FES: variants seen among roughly 807,000 people sequenced by gnomAD.
FES encodes the protein FES proto-oncogene, tyrosine kinase.
FES carries 83 observed loss-of-function variants against 109.6 expected under a neutral mutation model. The observed-to-expected ratio is 0.76, with a 90% CI of 0.63 to 0.91. The LOEUF (loss-of-function observed/expected upper bound fraction) is 0.91, where lower values mean the gene tolerates loss of function less well. Ranked by LOEUF, FES falls within the 40% of genes least tolerant of loss-of-function variation. The probability of loss-of-function intolerance (pLI) is 0.00; values close to 1 mark genes in which losing one functional copy is unlikely to be tolerated. For synonymous variants in FES, 458 were observed against 442.1 expected (o/e 1.04, Z -0.45); for missense variants, 943 against 1,070.9 (o/e 0.88, Z 1.67).
chr15:90,894,925 G>C (rs182855645), intron 18 of FES, among the ~76,000 whole-genome samples: 251 of 152,234 alleles, frequency 1.6e-3, no homozygotes, highest in Non-Finnish European at 2.9e-3. Flanking sequence ...AAATTAGCGA[G>C]GTGTAGTGGT....
intron 15 of FES, 35 bp downstream of exon 15, chr15:90,893,229 G>A (rs774216062): frequency 2.8e-5 from 45 of 1,613,024 alleles, no homozygotes; most frequent in South Asian, 9.9e-5. Flanking sequence ...GGTAGGGCGC[G>A]CAGCCTGGTC....
rs769517026 is a variant in FES, at chr15:90,887,492, A to G, written c.668+122A>G. ...AAGGTGCTGGCCATGTAACCACATGAGAACGGGACCTGGGCCAAGGATTGG... is the reference window on the plus strand; with the variant it reads ...AAGGTGCTGGCCATGTAACCACATGGGAACGGGACCTGGGCCAAGGATTGG... On this transcript the variant is annotated intron_variant, in intron 5 of 18. Coordinates refer to ENST00000328850, the MANE Select transcript of FES (RefSeq NM_002005.4). 293 of 1,053,930 alleles carry G rather than the reference A, an allele frequency of 2.8e-4. 2 individuals are homozygous for G. Among genetic ancestry groups the G allele is most frequent in the Non-Finnish European group, 2.4e-4 (182 of 749,042 alleles). 65.3% of individuals were successfully genotyped at this position (1,053,930 alleles called of 1,614,324 possible).
intron 12 of FES, 68 bp downstream of exon 12, chr15:90,891,744 C>A: frequency 6.3e-7 from 1 of 1,596,726 alleles, no homozygotes; most frequent in Non-Finnish European, 8.5e-7. Flanking sequence ...TCAGGCCCAC[C>A]CAGCGTCTGA....
intron 10 of FES, 136 bp downstream of exon 10, chr15:90,890,620 G>GGGGACA: frequency 1.2e-6 from 1 of 810,624 alleles, no homozygotes; most frequent in Non-Finnish European, 1.9e-6. Flanking sequence ...GGCTGCAGAT[G>GGGGACA]TCCCCAGACC....
At position 90,886,796 on chromosome 15, in the gene FES, T is replaced by C. The variant is rs12904170; in HGVS notation, c.388-165T>C. ...TTTGCCTCCCCAAGGGGTCTGTCTT[T>C]AACAGGCTCTCTGATCTTTGACTCT... On this transcript the variant is annotated intron_variant, in intron 3 of 18. Coordinates refer to ENST00000328850, the MANE Select transcript of FES (RefSeq NM_002005.4). 1.9e-3 allele frequency among the ~76,000 whole-genome samples: 293 copies of C among 152,354 alleles called. 1 individual carries two copies. The highest frequency in any genetic ancestry group is 3.6e-3 in the Non-Finnish European group (243 of 68,030).
At chr15:90,891,891 C>T (rs1429372695) in intron 12 of FES, among the ~76,000 whole-genome samples, 167 bp from the exon 13 acceptor site, 1 of 152,246 alleles carries the variant, frequency 6.6e-6, no homozygotes, top group East Asian at 1.9e-4. Flanking sequence ...TGGTGCTTAC[C>T]TGGTCAGGGC....
Position 90,885,218 on chromosome 15 carries a change from G to C in FES, c.173G>C (p.Gly58Ala). The change falls in exon 2 of 19, where the codon GGC becomes GCC. Residue 58 changes from glycine to alanine, a missense_variant. By Grantham distance (60) the Gly-to-Ala change is moderately conservative (BLOSUM62 0). Coordinates refer to ENST00000328850, the MANE Select transcript of FES (RefSeq NM_002005.4). ...CACATGTCCCTGCAGGACAGTGGGG[G>C]CCAGAGCCGGGCCATCAGCCCTGAC... ...LHHMSLQDSG[G>A]QSRAISPDSP... is the part of the protein sequence containing the mutation. 1 of 1,613,464 alleles carries C rather than the reference G, an allele frequency of 6.2e-7. No individual in the cohort carries two copies. Among genetic ancestry groups the C allele is most frequent in the African/African-American group, 1.3e-5 (1 of 75,064 alleles).
At chr15:90,884,733 G>A (rs2032380944) in intron 1 of FES, 189 bp downstream of exon 1, 2 of 271,274 alleles carry the variant, frequency 7.4e-6, no homozygotes, top group Non-Finnish European at 1.4e-5. Flanking sequence ...GGCTTGGCCT[G>A]TCGAGGACCT....
Position 90,895,589 on chromosome 15 carries a change from T to C in FES, c.*31T>C. 1.3e-6 allele frequency: 2 copies of C among 1,515,228 alleles called. No homozygotes were observed. Among genetic ancestry groups the C allele is most frequent in the African/African-American group, 1.4e-5 (1 of 71,686 alleles). The allele number at this position is 1,515,228 out of a possible 1,614,324, so 93.9% of individuals were successfully genotyped here. On this transcript the variant is annotated 3_prime_UTR_variant, in exon 19 of 19. Coordinates refer to ENST00000328850, the MANE Select transcript of FES (RefSeq NM_002005.4). Reference sequence around the variant, plus strand: ...GGACCCCCTTCTCAAGCTGGTGGCCTCTGCAGGCCTAGGTGCAGCTCCTCA... The same window carrying C: ...GGACCCCCTTCTCAAGCTGGTGGCCCCTGCAGGCCTAGGTGCAGCTCCTCA...
In FES at chr15:90,889,246, A is replaced by C; in HGVS notation, c.669-60A>C. ...CTCCAAACCCAGGGTCCTAGGCCTG[A>C]ACTGCCCAGCCTTGCCCAGCCTGAG... On this transcript the variant is annotated intron_variant, in intron 5 of 18. Transcript: ENST00000328850. The surrounding 1 kb of genome is among the most constrained non-coding windows in gnomAD (Gnocchi z 6.1). 6.3e-7 allele frequency: 1 copy of C among 1,598,894 alleles called. No homozygotes were observed. The highest frequency in any genetic ancestry group is 8.5e-7 in the Non-Finnish European group (1 of 1,173,022).
At position 90,889,097 on chromosome 15, in the gene FES, T is replaced by C. The variant is rs749128022; in HGVS notation, c.669-209T>C. On this transcript the variant is annotated intron_variant, in intron 5 of 18. Coordinates refer to ENST00000328850, the MANE Select transcript of FES (RefSeq NM_002005.4). The surrounding 1 kb of genome is among the most constrained non-coding windows in gnomAD (Gnocchi z 6.1). ...CCACTGTGCCTGGCCCACTGGATCC[T>C]TATTACAACTGCCAGTGTCCCTCTT... 2.8e-4 allele frequency: 176 copies of C among 625,122 alleles called. No homozygotes were observed. The highest frequency in any genetic ancestry group is 4.5e-4 in the Non-Finnish European group (166 of 369,630). 38.7% of individuals were successfully genotyped at this position (625,122 alleles called of 1,614,324 possible).
At chr15:90,892,226 C>A in intron 13 of FES, 115 bp downstream of exon 13, 4 of 1,150,836 alleles carry the variant, frequency 3.5e-6, no homozygotes, top group Non-Finnish European at 5.1e-6. Context: ...CCACTTGTAC[C>A]CCGACTCCCT....
intron 5 of FES, among the ~76,000 whole-genome samples, chr15:90,887,607 G>A (rs1352506707): frequency 2.0e-5 from 3 of 152,232 alleles, no homozygotes; most frequent in Non-Finnish European, 4.4e-5. Flanking sequence ...TCTGGGCTCT[G>A]GATTATACCA....
chr15:90,890,597 C>T (rs2033121308), intron 10 of FES, 113 bp downstream of exon 10: 2 of 957,728 alleles, frequency 2.1e-6, no homozygotes, highest in South Asian at 3.1e-5. Context: ...TTCCTCTCTT[C>T]CCTGGGATTC....
chr15:90,891,700 C>T (rs951297731), intron 12 of FES, 24 bp downstream of exon 12: 12 of 1,612,368 alleles, frequency 7.4e-6, no homozygotes, highest in Non-Finnish European at 1.0e-5. Context: ...CAGCCTGGCC[C>T]ATGCCACCTG....
In FES at chr15:90,895,453, C is replaced by T. The variant is rs755547013; in HGVS notation, c.2364C>T (p.Ala788=). The change falls in exon 19 of 19, where the codon GCC becomes GCT. Residue 788 remains alanine, a synonymous_variant. Transcript: ENST00000328850. ...RLPCPELCPD[A]VFRLMEQCWA... ...CCTGCCCAGAGCTGTGTCCTGATGCCGTGTTCAGGCTCATGGAGCAGTGCT... is the reference window on the plus strand; with the variant it reads ...CCTGCCCAGAGCTGTGTCCTGATGCTGTGTTCAGGCTCATGGAGCAGTGCT... The T allele has an allele frequency of 1.6e-5, 26 of 1,585,368 alleles. No homozygotes were observed. The highest frequency in any genetic ancestry group is 2.7e-5 in the African/African-American group (2 of 73,912).
chr15:90,890,066 A>ACCCACC, intron 8 of FES, 26 bp from the exon 9 acceptor site: 1 of 1,523,434 alleles, frequency 6.6e-7, no homozygotes, highest in Non-Finnish European at 8.8e-7. Context: ...ATTCTCATCC[A>ACCCACC]CCCTCCCACC....
At chr15:90,893,518 A>C in intron 16 of FES, 104 bp downstream of exon 16, 1 of 1,492,872 alleles carries the variant, frequency 6.7e-7, no homozygotes, top group Non-Finnish European at 8.9e-7. Context: ...TCAGCTCCAG[A>C]GGGGGAGTTG....
At chr15:90,886,928 G>A in intron 3 of FES, 33 bp from the exon 4 acceptor site, 1 of 1,600,188 alleles carries the variant, frequency 6.2e-7, no homozygotes, top group Non-Finnish European at 8.6e-7. Flanking sequence ...CTGGGGACCT[G>A]CTGCCCCACA....
Sources: gnomAD v4.1 joint callset for allele counts (sites outside exome capture counted in the v4.1 genomes callset) on GRCh38, gnomAD v4.1.1 for gene constraint, Gnocchi (gnomAD v3.1) non-coding constraint, MANE v1.5 for transcripts, NCBI Gene and HGNC (gene_info 2026-07-23, HGNC 2026-07-21) for gene names.